The following PDE7B variants were observed in gnomAD, a reference collection of about 807,000 sequenced individuals.
PDE7B encodes phosphodiesterase 7B.
A neutral mutation model predicts 56.2 loss-of-function variants in PDE7B; 29 were observed. That is an observed-to-expected ratio of 0.52 (90% CI 0.38 to 0.70). The LOEUF (loss-of-function observed/expected upper bound fraction) is 0.70, where lower values mean the gene tolerates loss of function less well. Ranked by LOEUF, PDE7B falls within the 30% of genes least tolerant of loss-of-function variation. The pLI is 0.00. For synonymous variants in PDE7B, 197 were observed against 196.9 expected, an observed-to-expected ratio of 1.00 and a Z score of 0.00; for missense variants, 490 against 565.0, an observed-to-expected ratio of 0.87 and a Z score of 1.35.
At position 136,181,444 on chromosome 6, in the gene PDE7B, CT is replaced by C. The variant is rs1162982765; in HGVS notation, c.1045+122del. On this transcript the variant is annotated intron_variant, in intron 11 of 12. Transcript: ENST00000308191. Reference sequence around the variant, plus strand: ...TGTTCTCTCATCAACTCTTGTTATCCTAACCTTTCTCTTTTACTCTCTTGGA... The same window carrying C: ...TGTTCTCTCATCAACTCTTGTTATCCAACCTTTCTCTTTTACTCTCTTGGA... 7.4e-6 allele frequency: 5 copies of C among 678,308 alleles called. No individual in the cohort carries two copies. In the East Asian group the frequency reaches 1.3e-4, roughly 17 times the overall value. The allele number at this position is 678,308 out of a possible 1,614,324, so 42.0% of individuals were successfully genotyped here.
At chr6:136,010,203 C>A (rs746894669) in intron 2 of PDE7B, among the ~76,000 whole-genome samples, 2 of 152,088 alleles carry the variant, frequency 1.3e-5, no homozygotes, top group Non-Finnish European at 2.9e-5. Flanking sequence ...TGTTTAATTT[C>A]CATGTAATTG....
At chr6:136,132,691 C>G (rs964206656) in intron 3 of PDE7B, among the ~76,000 whole-genome samples, 3 of 152,128 alleles carry the variant, frequency 2.0e-5, no homozygotes, top group African/African-American at 7.2e-5. Flanking sequence ...ATAGGAGACC[C>G]AGTGTGTTTG....
At chr6:136,164,287 CTCATGAGAACTCACTCACTA>C (rs1258367657) in intron 8 of PDE7B, among the ~76,000 whole-genome samples, 51 of 152,244 alleles carry the variant, frequency 3.3e-4, no homozygotes, top group African/African-American at 8.2e-4. Flanking sequence ...GCCATCAGAT[CTCATGAGAACTCACTCACTA>C]TCATGAGAAC....
chr6:136,010,127 T>C (rs139174566), intron 2 of PDE7B, among the ~76,000 whole-genome samples: 1 of 152,320 alleles, frequency 6.6e-6, no homozygotes, highest in Non-Finnish European at 1.5e-5. Flanking sequence ...CATATCTTTG[T>C]TCTCATTTGT....
At chr6:136,009,156 A>T (rs1482876026) in intron 2 of PDE7B, among the ~76,000 whole-genome samples, 1 of 151,758 alleles carries the variant, frequency 6.6e-6, no homozygotes, top group Non-Finnish European at 1.5e-5. Context: ...GATATGTGGC[A>T]TTATTTCTGA....
intron 3 of PDE7B, among the ~76,000 whole-genome samples, chr6:136,129,127 C>A (rs1225981810): frequency 6.6e-6 from 1 of 152,222 alleles, no homozygotes; most frequent in African/African-American, 2.4e-5. Context: ...CATGTAGATT[C>A]ATTTCAATCT....
At chr6:136,183,348 CTT>C (rs2128451605) in intron 11 of PDE7B, among the ~76,000 whole-genome samples, 1 of 152,082 alleles carries the variant, frequency 6.6e-6, no homozygotes, top group Non-Finnish European at 1.5e-5. Flanking sequence ...AATCCCAAGA[CTT>C]TGGGAGGCCA....
At chr6:136,139,126 G>C (rs558661594) in intron 3 of PDE7B, among the ~76,000 whole-genome samples, 1 of 151,804 alleles carries the variant, frequency 6.6e-6, no homozygotes, top group Non-Finnish European at 1.5e-5. Flanking sequence ...CCCTTCCCCC[G>C]ACGCCACAAC....
chr6:136,107,214 G>A (rs1254141714), intron 2 of PDE7B, among the ~76,000 whole-genome samples: 1 of 152,188 alleles, frequency 6.6e-6, no homozygotes, highest in South Asian at 2.1e-4. Flanking sequence ...AATTAGGAAA[G>A]GAAGGAGAGA....
At chr6:135,928,447 ATT>A (rs1416087020) in intron 1 of PDE7B, among the ~76,000 whole-genome samples, 21 of 114,790 alleles carry the variant, frequency 1.8e-4, no homozygotes, top group African/African-American at 4.8e-4. Flanking sequence ...ATATATATAT[ATT>A]TATTTATATA....
intron 2 of PDE7B, among the ~76,000 whole-genome samples, chr6:136,013,623 C>G (rs1583828747): frequency 6.6e-6 from 1 of 152,156 alleles, no homozygotes; most frequent in Non-Finnish European, 1.5e-5. Context: ...CAAACTCATA[C>G]CTAAGATACG....
At chr6:136,175,582 G>A (rs1192563861) in intron 9 of PDE7B, among the ~76,000 whole-genome samples, 1 of 152,026 alleles carries the variant, frequency 6.6e-6, no homozygotes, top group African/African-American at 2.4e-5. Context: ...AACAAAATAT[G>A]ATTATATTTG....
chr6:136,174,146 G>C (rs1444016281), intron 9 of PDE7B, among the ~76,000 whole-genome samples: 1 of 152,112 alleles, frequency 6.6e-6, no homozygotes, highest in Non-Finnish European at 1.5e-5. Context: ...ACAGCTCTCA[G>C]TTTTCACACG....
chr6:136,179,193 G>A lies in PDE7B; in HGVS notation c.948+52G>A, dbSNP rs773554264. On this transcript the variant is annotated intron_variant, in intron 10 of 12. Coordinates refer to ENST00000308191, the MANE Select transcript of PDE7B (RefSeq NM_018945.4). The stretch of plus-strand genomic sequence containing the variant: ...TTTTGCTGAGTGAAAACACTCAGCT[G>A]GGCTGGGTGTGGTGGCTCACATCTG... 5.8e-6 allele frequency: 9 copies of A among 1,544,822 alleles called. No homozygotes were observed. The East Asian group carries it at 2.0e-4, about 35-fold the overall frequency.
intron 2 of PDE7B, among the ~76,000 whole-genome samples, chr6:135,975,790 C>T (rs1307724618): frequency 8.1e-6 from 1 of 123,518 alleles, no homozygotes; most frequent in Non-Finnish European, 1.7e-5. Flanking sequence ...TACTCACTCC[C>T]CCAATGGGGA....
Position 136,083,246 on chromosome 6 carries a change from C to T in PDE7B, c.83-25485C>T, listed in dbSNP as rs183756469. ...CCCTGATATTCCTTCCAGAAGGGTT[C>T]CAAATAAGTTCTTCTTGGATTTGAT... is the stretch of plus-strand genomic sequence containing the variant. On this transcript the variant is annotated intron_variant, in intron 2 of 12. Coordinates refer to ENST00000308191, the MANE Select transcript of PDE7B (RefSeq NM_018945.4). 1.6e-3 allele frequency among the ~76,000 whole-genome samples: 249 copies of T among 152,238 alleles called. 1 individual carries two copies. The highest frequency in any genetic ancestry group is 3.2e-3 in the Non-Finnish European group (216 of 68,002).
intron 3 of PDE7B, among the ~76,000 whole-genome samples, chr6:136,123,311 T>C (rs1349094640): frequency 6.6e-6 from 1 of 152,194 alleles, no homozygotes; most frequent in African/African-American, 2.4e-5. Context: ...AGCTGGAAGA[T>C]ACCAACTCTA....
chr6:135,989,847 C>CAT (rs1583814479), intron 2 of PDE7B, among the ~76,000 whole-genome samples: 1 of 152,000 alleles, frequency 6.6e-6, no homozygotes, highest in African/African-American at 2.4e-5. Context: ...TTTGTTATTG[C>CAT]ATGAGCAACA....
chr6:135,899,769 T>A (rs1006903479), intron 1 of PDE7B, among the ~76,000 whole-genome samples: 1 of 152,116 alleles, frequency 6.6e-6, no homozygotes, highest in Admixed American at 6.5e-5. Flanking sequence ...AATATAGATC[T>A]TTTTGGAAGC....
Sources: allele counts gnomAD v4.1 joint callset (sites outside exome capture counted in the v4.1 genomes callset), GRCh38; gene constraint gnomAD v4.1.1; transcripts MANE v1.5; gene names NCBI Gene and HGNC (gene_info 2026-07-23, HGNC 2026-07-21).